The following SPG21 variants were observed in gnomAD, a reference collection of about 807,000 sequenced individuals.
SPG21 encodes maspardin.
Under a neutral mutation model 38.9 loss-of-function variants are expected in SPG21, and 26 were observed. The ratio of observed to expected loss-of-function variants is 0.67; its 90% CI spans 0.49 to 0.93. The LOEUF is 0.93. SPG21 is among the 40% of genes least tolerant of loss of function. SPG21 has a pLI of 0.00. For missense variants in SPG21, 333 were observed against 376.5 expected (o/e 0.88, Z 0.96); for synonymous variants, 136 against 128.9 (o/e 1.05, Z -0.37).
At position 64,980,970 on chromosome 15, in the gene SPG21, C is replaced by T. The variant is rs750152389; in HGVS notation, c.119G>A (p.Arg40Gln). 22 of 1,614,030 alleles carry T rather than the reference C, an allele frequency of 1.4e-5. No homozygotes were observed. The highest frequency in any genetic ancestry group is 6.7e-5 in the Admixed American group (4 of 59,992). ...GAATATGAGAGGACACCTGATACTT[C>T]GGGGGCCCGCGTCATAGAGCGACCA... ...KIWSLYDAGPRSIRCPLIFLP... is the reference protein window; with the variant it reads ...KIWSLYDAGPQSIRCPLIFLP... The change falls in exon 3 of 9, where the codon CGA becomes CAA. Residue 40 changes from arginine (R) to glutamine (Q), a missense_variant. Coordinates refer to ENST00000204566, the MANE Select transcript of SPG21 (RefSeq NM_016630.7).
At chr15:64,975,951 G>T (rs1028237697) in intron 4 of SPG21, among the ~76,000 whole-genome samples, 3 of 152,068 alleles carry the variant, frequency 2.0e-5, no homozygotes, top group Non-Finnish European at 4.4e-5. Flanking sequence ...GGGCTAGTAG[G>T]GGGGAAGATG....
intron 1 of SPG21, among the ~76,000 whole-genome samples, chr15:64,987,013 G>A (rs1193182092): frequency 6.6e-6 from 1 of 152,168 alleles, no homozygotes; most frequent in Non-Finnish European, 1.5e-5. Flanking sequence ...CAGAAAGTGT[G>A]CTTCTAGAGT....
intron 4 of SPG21, among the ~76,000 whole-genome samples, chr15:64,976,184 G>A (rs1483622391): frequency 1.3e-5 from 2 of 152,194 alleles, no homozygotes; most frequent in Non-Finnish European, 2.9e-5. Flanking sequence ...CAGCACTTAG[G>A]GAGGCTGAGG....
At chr15:64,975,418 C>T (rs1224724770) in intron 4 of SPG21, among the ~76,000 whole-genome samples, 1 of 151,078 alleles carries the variant, frequency 6.6e-6, no homozygotes, top group African/African-American at 2.4e-5. Context: ...GTCCTAGCTA[C>T]TTGGGAGGTT....
chr15:64,979,845 C>CAAAAAAAAAAAAAAAAAAAA (rs71136305), intron 3 of SPG21, among the ~76,000 whole-genome samples: 1 of 89,550 alleles, frequency 1.1e-5, no homozygotes, highest in Non-Finnish European at 2.1e-5. Flanking sequence ...TGGAAGCATG[C>CAAAAAAAAAAAAAAAAAAAA]AAAAAAAAAA....
intron 2 of SPG21, among the ~76,000 whole-genome samples, chr15:64,982,137 CTTTT>C (rs940184712): frequency 6.3e-5 from 6 of 95,688 alleles, no homozygotes; most frequent in African/African-American, 1.9e-4. Flanking sequence ...TTTTTCTTTT[CTTTT>C]CTTTTTTTTT....
At chr15:64,982,912 A>T (rs1271588679) in intron 2 of SPG21, 2 of 153,606 alleles carry the variant, frequency 1.3e-5, no homozygotes, top group African/African-American at 4.8e-5. Context: ...ACTAAACTAT[A>T]CAGAAGAGTA....
At chr15:64,988,132 G>C (rs1309121568) in intron 1 of SPG21, among the ~76,000 whole-genome samples, 3 of 152,146 alleles carry the variant, frequency 2.0e-5, no homozygotes, top group Non-Finnish European at 2.9e-5. Context: ...TGAGGCAGGA[G>C]AATTGCTTGA....
chr15:64,980,243 G>A (rs2085856026), intron 3 of SPG21, among the ~76,000 whole-genome samples: 1 of 152,128 alleles, frequency 6.6e-6, no homozygotes. Flanking sequence ...TTCTTCATCT[G>A]TAAAGAAGGA....
At chr15:64,985,189 T>C (rs1194648105) in intron 1 of SPG21, among the ~76,000 whole-genome samples, 2 of 152,214 alleles carry the variant, frequency 1.3e-5, no homozygotes, top group Non-Finnish European at 2.9e-5. Flanking sequence ...CATTTGCCCT[T>C]AGGAAAAAAT....
intron 4 of SPG21, 149 bp downstream of exon 4, chr15:64,976,326 G>T: frequency 1.7e-6 from 1 of 590,260 alleles, no homozygotes; most frequent in Non-Finnish European, 3.1e-6. Context: ...TTTGGAGACT[G>T]AGGCAGGAGA....
At chr15:64,968,169 G>C (rs2085581338) in intron 7 of SPG21, among the ~76,000 whole-genome samples, 1 of 151,962 alleles carries the variant, frequency 6.6e-6, no homozygotes, top group South Asian at 2.1e-4. Context: ...GCAACATGGT[G>C]AAACCCCATC....
At chr15:64,964,907 G>A (rs1427147200) in intron 8 of SPG21, among the ~76,000 whole-genome samples, 2 of 152,172 alleles carry the variant, frequency 1.3e-5, no homozygotes, top group Admixed American at 6.5e-5. Context: ...TGAGATTACA[G>A]GCATGAGCCA....
At chr15:64,975,203 G>A (rs1046258926) in intron 4 of SPG21, among the ~76,000 whole-genome samples, 22 of 151,058 alleles carry the variant, frequency 1.5e-4, no homozygotes, top group Non-Finnish European at 2.1e-4. Context: ...CAGCAGAATC[G>A]CTTGAACCTG....
chr15:64,970,178 C>G lies in SPG21; in HGVS notation c.497G>C (p.Gly166Ala). ...GTCCACCGGGCCAGATGAAAAATTT[C>G]CAAGAACTATTTTTTTGAGCATAAA... is the stretch of plus-strand genomic sequence containing the variant. ...PAFMLKKIVL[G>A]NFSSGPVDPM... is the part of the protein sequence containing the mutation. Residue 166 changes from glycine (G) to alanine (A), a missense_variant, in exon 6 of 9, where the codon GGA becomes GCA. Coordinates refer to ENST00000204566, the MANE Select transcript of SPG21 (RefSeq NM_016630.7). 5 of 1,614,084 alleles carry G rather than the reference C, an allele frequency of 3.1e-6. No individual in the cohort carries two copies. The highest frequency in any genetic ancestry group is 4.2e-6 in the Non-Finnish European group (5 of 1,180,016).
intron 3 of SPG21, among the ~76,000 whole-genome samples, chr15:64,976,873 T>G (rs1021927086): frequency 2.6e-5 from 4 of 152,218 alleles, no homozygotes; most frequent in Non-Finnish European, 4.4e-5. Context: ...GCAGAACCCA[T>G]TCCAGTAAAG....
chr15:64,963,790 C>G, intron 8 of SPG21, 54 bp from the exon 9 acceptor site: 1 of 1,536,938 alleles, frequency 6.5e-7, no homozygotes, highest in African/African-American at 1.4e-5. Context: ...GAGTGTCACT[C>G]TTGTTGCCCA....
Position 64,963,093 on chromosome 15 carries a change from G to GT in SPG21, c.*526dup, listed in dbSNP as rs1459763447. The GT allele has an allele frequency of 6.5e-6, 1 of 153,514 alleles. No individual in the cohort carries two copies. Among genetic ancestry groups the GT allele is most frequent in the Non-Finnish European group, 1.5e-5 (1 of 68,718 alleles). 9.5% of individuals were successfully genotyped at this position (153,514 alleles called of 1,614,324 possible). Reference sequence around the variant, plus strand: ...CAGTAGCTAACACTCAAAACAATTTGTTTAAGTGTAAATTAAAAGCAGTTG... The same window carrying GT: ...CAGTAGCTAACACTCAAAACAATTTGTTTTAAGTGTAAATTAAAAGCAGTTG... On this transcript the variant is annotated 3_prime_UTR_variant, in exon 9 of 9. Coordinates refer to ENST00000204566, the MANE Select transcript of SPG21 (RefSeq NM_016630.7).
chr15:64,981,758 T>C (rs1207154717), intron 2 of SPG21: 1 of 152,170 alleles, frequency 6.6e-6, no homozygotes, highest in Non-Finnish European at 1.5e-5. Context: ...AAATATTAGC[T>C]ATTATTATTA....
Sources: allele counts gnomAD v4.1 joint callset (sites outside exome capture counted in the v4.1 genomes callset), GRCh38; gene constraint gnomAD v4.1.1; transcripts MANE v1.5; gene names NCBI Gene and HGNC (gene_info 2026-07-23, HGNC 2026-07-21).